Variants in DBP observed in about 807,000 individuals in gnomAD.
DBP encodes D-box binding PAR bZIP transcription factor.
In DBP, 12 loss-of-function variants were observed where a neutral mutation model predicts 21.4. That is an observed-to-expected ratio of 0.56 (90% confidence interval 0.36 to 0.91). The LOEUF is 0.91. Among genes scored for constraint, DBP ranks in the 40% least tolerant of loss-of-function variants. The pLI, the probability that DBP is intolerant of heterozygous loss-of-function variation, is 0.01. For synonymous variants in DBP, 213 were observed against 224.9 expected (o/e 0.95, Z 0.47); for missense variants, 423 against 473.4 (o/e 0.89, Z 0.99).
chr19:48,633,654 G>A lies in DBP; in HGVS notation c.552C>T (p.Gly184=). ...GGCTGGGTGTGTCCCGAGAGGTCAG[G>A]CCTTGGGGAAACAGCACGTGTCAGC... ...ALGTASGHRA[G]LTSRDTPSPV... is the part of the protein sequence containing the mutation. Residue 184 remains glycine, a splice_region_variant and synonymous_variant, in exon 3 of 4, where the codon GGC becomes GGT. Coordinates refer to ENST00000222122, the MANE Select transcript of DBP (RefSeq NM_001352.5). 1 of 1,613,782 alleles carries A rather than the reference G, an allele frequency of 6.2e-7. No individual in the cohort carries two copies. Among genetic ancestry groups the A allele is most frequent in the Non-Finnish European group, 8.5e-7 (1 of 1,179,856 alleles).
intron 3 of DBP, chr19:48,633,181 A>C (rs2030659284): frequency 1.7e-6 from 1 of 601,588 alleles, no homozygotes; most frequent in African/African-American, 1.9e-5. Flanking sequence ...TCCCGAGCTC[A>C]AGAGATCCTC....
chr19:48,633,740 ACATGG>A, intron 2 of DBP, 85 bp from the exon 3 acceptor site: 2 of 1,130,986 alleles, frequency 1.8e-6, no homozygotes, highest in Non-Finnish European at 2.6e-6. Flanking sequence ...TATCATAGCC[ACATGG>A]AAAGTCCTTC....
In DBP at chr19:48,630,224, A is replaced by G. The variant is rs940539218; in HGVS notation, c.*613T>C. On this transcript the variant is annotated 3_prime_UTR_variant, in exon 4 of 4. Coordinates refer to ENST00000222122, the MANE Select transcript of DBP (RefSeq NM_001352.5). The surrounding 1 kb of genome is among the most constrained non-coding windows in gnomAD (Gnocchi z 4.9). Reference sequence around the variant, plus strand: ...TCCGGTGCCTCCATTTAGCTGGCCAATCAGCCCAGGAGGGGCAGGTTCCCC... The same window carrying G: ...TCCGGTGCCTCCATTTAGCTGGCCAGTCAGCCCAGGAGGGGCAGGTTCCCC... 1.3e-5 allele frequency: 16 copies of G among 1,256,548 alleles called. No individual in the cohort carries two copies. In the African/African-American group the frequency reaches 1.4e-4, roughly 11 times the overall value. The allele number at this position is 1,256,548 out of a possible 1,614,324, so 77.8% of individuals were successfully genotyped here.
At position 48,637,010 on chromosome 19, in the gene DBP, C is replaced by G; in HGVS notation, c.-16G>C. On this transcript the variant is annotated 5_prime_UTR_variant, in exon 1 of 4. Coordinates refer to ENST00000222122, the MANE Select transcript of DBP (RefSeq NM_001352.5). ...GCCGCGCCATCGCCTGGCACCTGCC[C>G]CCAGGCTCACGGGTTCATGGAGAGG... 6.8e-7 allele frequency: 1 copy of G among 1,479,916 alleles called. No homozygotes were observed. Among genetic ancestry groups the G allele is most frequent in the Non-Finnish European group, 8.9e-7 (1 of 1,119,844 alleles). 91.7% of individuals were successfully genotyped at this position (1,479,916 alleles called of 1,614,324 possible).
Position 48,635,730 on chromosome 19 carries a change from G to C in DBP, c.400C>G (p.Pro134Ala), listed in dbSNP as rs1014923201. 1.5e-6 allele frequency: 2 copies of C among 1,351,914 alleles called. No homozygotes were observed. The highest frequency in any genetic ancestry group is 1.9e-6 in the Non-Finnish European group (2 of 1,059,188). 83.7% of individuals were successfully genotyped at this position (1,351,914 alleles called of 1,614,324 possible). The change falls in exon 2 of 4, where the codon CCC becomes GCC. Residue 134 changes from proline (P) to alanine (A), a missense_variant. This residue lies in a region of DBP where 283 missense variants were observed against 273.7 expected (regional missense o/e 1.03). Coordinates refer to ENST00000222122, the MANE Select transcript of DBP (RefSeq NM_001352.5). ...LEHGLPPSPP[P>A]PGGPSPEPSP... ...GGCTCCGGCGACGGGCCACCGGGGG[G>C]CGGCGGGCTGGGCGGGAGCCCGTGC...
rs1302944914 is a variant in DBP, at chr19:48,630,495, C to T, written c.*342G>A. On this transcript the variant is annotated 3_prime_UTR_variant, in exon 4 of 4. Transcript: ENST00000222122. The surrounding 1 kb of genome is among the most constrained non-coding windows in gnomAD (Gnocchi z 4.9). ...CGCCTGCCCTCTATGGACGACAGCCCGGAGCTGCCCACGGGCTGCAGCCAG... is the reference window on the plus strand; with the variant it reads ...CGCCTGCCCTCTATGGACGACAGCCTGGAGCTGCCCACGGGCTGCAGCCAG... The T allele has an allele frequency of 1.3e-6, 2 of 1,524,808 alleles. No individual in the cohort carries two copies. The highest frequency in any genetic ancestry group is 1.8e-6 in the Non-Finnish European group (2 of 1,141,938). 94.5% of individuals were successfully genotyped at this position (1,524,808 alleles called of 1,614,324 possible). A position where few individuals can be genotyped will look rare whatever the true frequency, so the allele number is the denominator to read the frequency against.
chr19:48,635,922 T>C lies in DBP; in HGVS notation c.208A>G (p.Thr70Ala). Residue 70 changes from threonine to alanine, a missense_variant, in exon 2 of 4, where the codon ACT becomes GCT. This residue lies in a region of DBP where 283 missense variants were observed against 273.7 expected (regional missense o/e 1.03). Coordinates refer to ENST00000222122, the MANE Select transcript of DBP (RefSeq NM_001352.5). ...GCCGGGGCATCCGCCGGGCCCGCAG[T>C]CTCCAGGCCTGGCCCAGGGGTTGTG... is the stretch of plus-strand genomic sequence containing the variant. ...AATTPGPGLE[T>A]AGPADAPAGA... 6.9e-7 allele frequency: 1 copy of C among 1,451,822 alleles called. No individual in the cohort carries two copies. Among genetic ancestry groups the C allele is most frequent in the Non-Finnish European group, 9.0e-7 (1 of 1,110,948 alleles). The allele number at this position is 1,451,822 out of a possible 1,614,324, so 89.9% of individuals were successfully genotyped here. A position where few individuals can be genotyped will look rare whatever the true frequency, so the allele number is the denominator to read the frequency against.
chr19:48,636,717 A>T, intron 1 of DBP, 139 bp downstream of exon 1: 1 of 1,090,140 alleles, frequency 9.2e-7, no homozygotes, highest in Non-Finnish European at 1.3e-6. Flanking sequence ...AGGGGCCTAA[A>T]CACCTGAGTA....
Position 48,635,964 on chromosome 19 carries a change from C to A in DBP, c.166G>T (p.Ala56Ser). ...SCLLKEKERK[A>S]ALPAATTPGP... ...GGGGTTGTGGCTGCAGGCAGGGCCG[C>A]CTTGCGCTCCTTTTCCTTCAGGAGA... is the stretch of plus-strand genomic sequence containing the variant. The change falls in exon 2 of 4, where the codon GCG (alanine) becomes TCG (serine). Residue 56 changes from alanine to serine, a missense_variant. Around this residue, in one of 4 missense-constraint regions of DBP, gnomAD observed 283 missense variants for 273.7 expected, o/e 1.03. Coordinates refer to ENST00000222122, the MANE Select transcript of DBP (RefSeq NM_001352.5). The A allele has an allele frequency of 6.6e-7, 1 of 1,522,980 alleles. No individual in the cohort carries two copies. The highest frequency in any genetic ancestry group is 8.8e-7 in the Non-Finnish European group (1 of 1,142,176). The allele number at this position is 1,522,980 out of a possible 1,614,324, so 94.3% of individuals were successfully genotyped here. A position where few individuals can be genotyped will look rare whatever the true frequency, so the allele number is the denominator to read the frequency against.
In DBP at chr19:48,630,588, C is replaced by G; in HGVS notation, c.*249G>C. On this transcript the variant is annotated 3_prime_UTR_variant, in exon 4 of 4. Transcript: ENST00000222122. This position sits in a 1 kb window ranked among gnomAD's most constrained non-coding sequence, Gnocchi z 4.9. ...GGGGTTCTCAAGATTTATTCAGGAT[C>G]GTGTTAACGGAGGCGGTGGGAGGAT... 2 of 1,533,920 alleles carry G rather than the reference C, an allele frequency of 1.3e-6. No individual in the cohort carries two copies. The highest frequency in any genetic ancestry group is 2.7e-5 in the African/African-American group (2 of 73,042).
chr19:48,630,658 C>T lies in DBP; in HGVS notation c.*179G>A. ...GGACACACACAGAGAACCCTCCCCGCCCCCGCAAGGGAGGGGGGAGGCTCG... is the reference window on the plus strand; with the variant it reads ...GGACACACACAGAGAACCCTCCCCGTCCCCGCAAGGGAGGGGGGAGGCTCG... On this transcript the variant is annotated 3_prime_UTR_variant, in exon 4 of 4. Transcript: ENST00000222122. The surrounding 1 kb of genome is among the most constrained non-coding windows in gnomAD (Gnocchi z 4.9). The T allele has an allele frequency of 6.9e-7, 1 of 1,458,776 alleles. No homozygotes were observed. The highest frequency in any genetic ancestry group is 9.1e-7 in the Non-Finnish European group (1 of 1,104,254). 90.4% of individuals were successfully genotyped at this position (1,458,776 alleles called of 1,614,324 possible).
rs957889583 is a variant in DBP at position 48,635,611 on chromosome 19, A to C, written c.519T>G (p.Ala173=). Residue 173 remains alanine, a synonymous_variant, in exon 2 of 4, where the codon GCT becomes GCG. Coordinates refer to ENST00000222122, the MANE Select transcript of DBP (RefSeq NM_001352.5). ...GGTGGCCGCTGGCGGTCCCGAGGGC[A>C]GCCCGGGCGGGGGCGTGCCCAGGAG... ...RSSPGHAPAR[A]ALGTASGHRA... is the part of the protein sequence containing the mutation. 1 of 1,349,660 alleles carries C rather than the reference A, an allele frequency of 7.4e-7. No homozygotes were observed. The highest frequency in any genetic ancestry group is 1.5e-5 in the African/African-American group (1 of 64,624). The allele number at this position is 1,349,660 out of a possible 1,614,324, so 83.6% of individuals were successfully genotyped here. A position where few individuals can be genotyped will look rare whatever the true frequency, so the allele number is the denominator to read the frequency against.
Position 48,637,037 on chromosome 19 carries a change from G to A in DBP, c.-43C>T, listed in dbSNP as rs1273926236. 1.5e-5 allele frequency: 22 copies of A among 1,445,552 alleles called. No homozygotes were observed. The East Asian group carries it at 4.8e-4, about 31-fold the overall frequency. 89.5% of individuals were successfully genotyped at this position (1,445,552 alleles called of 1,614,324 possible). A position where few individuals can be genotyped will look rare whatever the true frequency, so the allele number is the denominator to read the frequency against. ...CAGGCTCACGGGTTCATGGAGAGGCGAAGGGCTGGCCTGCCAGTCACCAGC... is the reference window on the plus strand; with the variant it reads ...CAGGCTCACGGGTTCATGGAGAGGCAAAGGGCTGGCCTGCCAGTCACCAGC... On this transcript the variant is annotated 5_prime_UTR_variant, in exon 1 of 4. Coordinates refer to ENST00000222122, the MANE Select transcript of DBP (RefSeq NM_001352.5).
At chr19:48,636,294 G>C (rs1278500860) in intron 1 of DBP, among the ~76,000 whole-genome samples, 1 of 152,060 alleles carries the variant, frequency 6.6e-6, no homozygotes, top group Non-Finnish European at 1.5e-5. Flanking sequence ...TCAGGAATAG[G>C]GGGGCAGGGA....
Position 48,636,905 on chromosome 19 carries a change from C to G in DBP, c.90G>C (p.Gly30=), listed in dbSNP as rs774849448. 41 of 1,602,402 alleles carry G rather than the reference C, an allele frequency of 2.6e-5. No individual in the cohort carries two copies. Among genetic ancestry groups the G allele is most frequent in the Non-Finnish European group, 3.5e-5 (41 of 1,175,372 alleles). ...GTPPGGGALL[G]LRSLLQGTSK... ...TGGTCCCCTGCAGAAGGCTCCGCAA[C>G]CCAAGCAGCGCTCCCCCGCCAGGGG... The change falls in exon 1 of 4, where the codon GGG becomes GGC. Residue 30 remains glycine (G), a synonymous_variant. Transcript: ENST00000222122.
Position 48,633,577 on chromosome 19 carries a change from G to C in DBP, c.629C>G (p.Ala210Gly). The change falls in exon 3 of 4, where the codon GCT (alanine) becomes GGT (glycine). Residue 210 changes from alanine (A) to glycine (G), a missense_variant. By Grantham distance (60) the Ala-to-Gly change is moderately conservative. This residue lies in a region of DBP where 77 missense variants were observed against 97.1 expected (regional missense o/e 0.79). Coordinates refer to ENST00000222122, the MANE Select transcript of DBP (RefSeq NM_001352.5). The part of the protein sequence containing the change: ...EVLMTFEPDP[A>G]DLALSSIPGH... ...AGGAATGCTTGATAGGGCAAGATCA[G>C]CTGGGTCGGGTTCAAAGGTCATCAA... is the stretch of plus-strand genomic sequence containing the variant. 6.2e-7 allele frequency: 1 copy of C among 1,614,236 alleles called. No homozygotes were observed. The highest frequency in any genetic ancestry group is 8.5e-7 in the Non-Finnish European group (1 of 1,180,042).
Position 48,630,906 on chromosome 19 carries a change from G to A in DBP, c.909C>T (p.Ala303=), listed in dbSNP as rs567278581. ...ENALLRQEVV[A]VRQELSHYRA... The stretch of plus-strand genomic sequence containing the variant: ...GGTAGTGGGACAGCTCCTGGCGCAC[G>A]GCCACAACTTCCTGCCGCAGCAGGG... Residue 303 remains alanine, a synonymous_variant, in exon 4 of 4, where the codon GCC becomes GCT. Coordinates refer to ENST00000222122, the MANE Select transcript of DBP (RefSeq NM_001352.5). The surrounding 1 kb of genome is among the most constrained non-coding windows in gnomAD (Gnocchi z 4.9). 4.3e-6 allele frequency: 7 copies of A among 1,609,952 alleles called. No individual in the cohort carries two copies. The South Asian group carries it at 6.6e-5, about 15-fold the overall frequency.
In DBP at chr19:48,635,625, C is replaced by G; in HGVS notation, c.505G>C (p.Ala169Pro). The G allele has an allele frequency of 7.5e-7, 1 of 1,340,898 alleles. No individual in the cohort carries two copies. Among genetic ancestry groups the G allele is most frequent in the Non-Finnish European group, 9.5e-7 (1 of 1,055,378 alleles). The allele number at this position is 1,340,898 out of a possible 1,614,324, so 83.1% of individuals were successfully genotyped here. A position where few individuals can be genotyped will look rare whatever the true frequency, so the allele number is the denominator to read the frequency against. ...SASPRSSPGH[A>P]PARAALGTAS... ...GTCCCGAGGGCAGCCCGGGCGGGGGCGTGCCCAGGAGAGGAGCGGGGGGAA... is the reference window on the plus strand; with the variant it reads ...GTCCCGAGGGCAGCCCGGGCGGGGGGGTGCCCAGGAGAGGAGCGGGGGGAA... The change falls in exon 2 of 4, where the codon GCC becomes CCC. Residue 169 changes from alanine (A) to proline (P), a missense_variant. Physicochemically the swap from Ala to Pro is conservative, Grantham distance 27. Coordinates refer to ENST00000222122, the MANE Select transcript of DBP (RefSeq NM_001352.5).
chr19:48,633,524 G>A lies in DBP; in HGVS notation c.682C>T (p.His228Tyr). ...PGHETFDPRR[H>Y]RFSEEELKPQ... is the part of the protein sequence containing the mutation. ...TTAAGTTCCTCTTCTGAGAAGCGAT[G>A]TCTTCGAGGGTCAAAGGTCTCGTGG... The change falls in exon 3 of 4, where the codon CAT becomes TAT. Residue 228 changes from histidine (H) to tyrosine (Y), a missense_variant. His to Tyr is a moderately conservative substitution (Grantham distance 83, BLOSUM62 2). Transcript: ENST00000222122. The A allele has an allele frequency of 6.2e-7, 1 of 1,614,192 alleles. No individual in the cohort carries two copies. The highest frequency in any genetic ancestry group is 8.5e-7 in the Non-Finnish European group (1 of 1,180,032).
Sources: allele counts gnomAD v4.1 joint callset (sites outside exome capture counted in the v4.1 genomes callset), GRCh38; gene constraint gnomAD v4.1.1; regional missense constraint gnomAD v4.1.1; non-coding constraint Gnocchi (gnomAD v3.1); transcripts MANE v1.5; gene names NCBI Gene and HGNC (gene_info 2026-07-23, HGNC 2026-07-21).